MUCL1: variants seen among roughly 807,000 people sequenced by gnomAD.
The protein encoded by MUCL1 is mucin-like protein 1.
In MUCL1, 11 loss-of-function variants were observed where a neutral mutation model predicts 9.2. The observed-to-expected ratio is 1.19, with a 90% confidence interval of 0.75 to 1.97. The LOEUF (loss-of-function observed/expected upper bound fraction) is 1.97, where lower values mean the gene tolerates loss of function less well. Ranked by LOEUF, MUCL1 falls within the 30% of genes most tolerant of loss-of-function variation. The pLI, the probability that MUCL1 is intolerant of heterozygous loss-of-function variation, is 0.00. For missense variants in MUCL1, 144 were observed against 110.9 expected (o/e 1.30, Z -1.34); for synonymous variants, 48 against 40.5 (o/e 1.19, Z -0.71).
At chr12:54,840,113 G>A (rs1304820443) in intron 1 of MUCL1, among the ~76,000 whole-genome samples, 1 of 152,136 alleles carries the variant, frequency 6.6e-6, no homozygotes, top group African/African-American at 2.4e-5. Context: ...CAGTGGGGTA[G>A]CCACACTCCA....
At chr12:54,854,971 T>C in intron 1 of MUCL1, 145 bp from the exon 2 acceptor site, 1 of 685,458 alleles carries the variant, frequency 1.5e-6, no homozygotes. Context: ...TTATCTTATC[T>C]GTGCACTTGT....
At chr12:54,841,463 G>A (rs1054426656) in intron 1 of MUCL1, among the ~76,000 whole-genome samples, 4 of 152,170 alleles carry the variant, frequency 2.6e-5, no homozygotes, top group Non-Finnish European at 4.4e-5. Context: ...CCTACAAACA[G>A]TATACAAATG....
At chr12:54,838,094 C>A (rs1959196225), upstream of MUCL1, among the ~76,000 whole-genome samples, 1 of 152,190 alleles carries the variant, frequency 6.6e-6, no homozygotes, top group Non-Finnish European at 1.5e-5. Context: ...GGATTGGGAA[C>A]TCCTTTTAGC....
At chr12:54,857,604 A>G (rs946160333) in intron 3 of MUCL1, among the ~76,000 whole-genome samples, 4 of 152,182 alleles carry the variant, frequency 2.6e-5, no homozygotes, top group South Asian at 2.1e-4. Context: ...TATGAAGTAA[A>G]CATTTTAAAG....
At chr12:54,838,895 A>T (rs751824538), upstream of MUCL1, among the ~76,000 whole-genome samples, 1 of 151,996 alleles carries the variant, frequency 6.6e-6, no homozygotes, top group Non-Finnish European at 1.5e-5. Context: ...TGGCTTCATA[A>T]TCAACATTTT....
chr12:54,849,550 A>G (rs530125468), upstream of MUCL1, among the ~76,000 whole-genome samples: 1 of 152,250 alleles, frequency 6.6e-6, no homozygotes, highest in East Asian at 1.9e-4. Flanking sequence ...AAAATTACAT[A>G]TCCACTAGTA....
chr12:54,854,494 C>A, upstream of MUCL1: 3 of 1,006,818 alleles, frequency 3.0e-6, no homozygotes, highest in South Asian at 1.4e-5. Context: ...TATATATTGT[C>A]AGGATGTGGA....
upstream of MUCL1, among the ~76,000 whole-genome samples, chr12:54,835,620 T>C (rs961341861): frequency 7.8e-6 from 1 of 128,676 alleles, no homozygotes; most frequent in African/African-American, 2.9e-5. Flanking sequence ...TTTTTTTTTT[T>C]CTGGCTGATT....
intron 1 of MUCL1, 66 bp downstream of exon 1, chr12:54,854,706 A>C (rs1345801422): frequency 9.9e-6 from 14 of 1,412,020 alleles, no homozygotes; most frequent in South Asian, 4.7e-5. Context: ...TCCTCTAAAG[A>C]TGTGGGCTTA....
At chr12:54,847,303 G>T (rs67937792) in intron 1 of MUCL1, among the ~76,000 whole-genome samples, 1 of 152,112 alleles carries the variant, frequency 6.6e-6, no homozygotes, top group Non-Finnish European at 1.5e-5. Flanking sequence ...TGAGAGGGAG[G>T]CAGAAAACTG....
intron 1 of MUCL1, among the ~76,000 whole-genome samples, chr12:54,841,290 G>A (rs1045390521): frequency 2.0e-5 from 3 of 152,148 alleles, no homozygotes; most frequent in Non-Finnish European, 4.4e-5. Context: ...GTTGTAGAAC[G>A]ATGCTGCAAT....
chr12:54,839,553 A>G (rs542504629), intron 1 of MUCL1: 4 of 697,960 alleles, frequency 5.7e-6, no homozygotes, highest in Admixed American at 2.0e-5. Context: ...TGGGGTAGGG[A>G]GGGAGCAACC....
At chr12:54,839,733 A>C (rs1598203) in intron 1 of MUCL1, among the ~76,000 whole-genome samples, 79,465 of 151,824 alleles carry the variant, frequency 0.52, 21,258 homozygotes, top group East Asian at 0.86. Context: ...CCTGGAGGGC[A>C]CTCCTTGTGT....
chr12:54,835,513 G>T (rs139050122), upstream of MUCL1, among the ~76,000 whole-genome samples: 1 of 151,532 alleles, frequency 6.6e-6, no homozygotes, highest in African/African-American at 2.4e-5. Flanking sequence ...GATTAGCAAT[G>T]TTGAGTATTT....
rs536533242 is a variant in MUCL1 at position 54,832,819 on chromosome 12, C to T, written n.357+1944C>T. 2.6e-5 allele frequency among the ~76,000 whole-genome samples: 4 copies of T among 152,118 alleles called. No homozygotes were observed. The East Asian group carries it at 7.7e-4, about 29-fold the overall frequency. ...AATAAGAAGTGATGCTTAACCTTCC[C>T]TAGGTTACATTTGTATAGGTAAAAT... On this transcript the variant is annotated intron_variant and non_coding_transcript_variant, in intron 1 of 3. Coordinates refer to the MUCL1 transcript ENST00000547990.
In MUCL1 at chr12:54,858,138, T is replaced by C; in HGVS notation, c.224-55T>C. 4 of 1,601,688 alleles carry C rather than the reference T, an allele frequency of 2.5e-6. 1 individual carries two copies. In the South Asian group the frequency reaches 4.4e-5, roughly 18 times the overall value. Reference sequence around the variant, plus strand: ...GTTCCTTCAGATTCTGAAGAATAAATCCACATTCTTCATCCTTTGTCGAAG... The same window carrying C: ...GTTCCTTCAGATTCTGAAGAATAAACCCACATTCTTCATCCTTTGTCGAAG... On this transcript the variant is annotated intron_variant, in intron 3 of 3. Transcript: ENST00000308796.
upstream of MUCL1, among the ~76,000 whole-genome samples, chr12:54,850,303 T>C (rs1959318662): frequency 1.6e-5 from 2 of 123,386 alleles, no homozygotes; most frequent in African/African-American, 3.5e-5. Context: ...ATGCTATCCC[T>C]CCCCCCTCCC....
At chr12:54,853,523 C>T (rs1868271546), upstream of MUCL1, among the ~76,000 whole-genome samples, 1 of 152,170 alleles carries the variant, frequency 6.6e-6, no homozygotes, top group Non-Finnish European at 1.5e-5. Context: ...GTTGCATTAT[C>T]CAAATATACC....
intron 1 of MUCL1, among the ~76,000 whole-genome samples, chr12:54,846,409 G>A (rs79606866): frequency 2.1e-3 from 322 of 152,314 alleles, no homozygotes; most frequent in African/African-American, 7.0e-3. Flanking sequence ...CATGACCTGC[G>A]AAGGGGATCA....
Sources: allele counts gnomAD v4.1 joint callset (sites outside exome capture counted in the v4.1 genomes callset), GRCh38; gene constraint gnomAD v4.1.1; transcripts MANE v1.5; gene names NCBI Gene and HGNC (gene_info 2026-07-23, HGNC 2026-07-21).